Variants in MGAT4C observed in about 807,000 individuals in gnomAD.
The protein encoded by MGAT4C is alpha-1,3-mannosyl-glycoprotein 4-beta-N-acetylglucosaminyltransferase C.
A neutral mutation model predicts 40.1 loss-of-function variants in MGAT4C; 19 were observed. The observed-to-expected ratio is 0.47, with a 90% CI of 0.33 to 0.70. The LOEUF is 0.70. Ranked by LOEUF, MGAT4C falls within the 30% of genes least tolerant of loss-of-function variation. The probability of loss-of-function intolerance (pLI) is 0.02; values close to 1 mark genes in which losing one functional copy is unlikely to be tolerated. For synonymous variants in MGAT4C, 181 were observed against 187.1 expected (o/e 0.97, Z 0.27); for missense variants, 491 against 563.2 (o/e 0.87, Z 1.30).
intron 2 of MGAT4C, among the ~76,000 whole-genome samples, chr12:86,012,698 G>A (rs1388966833): frequency 6.6e-6 from 1 of 151,828 alleles, no homozygotes; most frequent in Non-Finnish European, 1.5e-5. Context: ...ATTTCAGTGA[G>A]CTGAGATCGC....
At chr12:86,681,064 T>G (rs1025481612) in intron 2 of MGAT4C, among the ~76,000 whole-genome samples, 4 of 151,956 alleles carry the variant, frequency 2.6e-5, no homozygotes, top group Non-Finnish European at 4.4e-5. Flanking sequence ...TGAGAAAGGA[T>G]CTATTACTCG....
intron 1 of MGAT4C, among the ~76,000 whole-genome samples, chr12:86,208,357 C>A (rs1212954087): frequency 6.6e-6 from 1 of 152,172 alleles, no homozygotes; most frequent in Non-Finnish European, 1.5e-5. Context: ...ATCCCAGCTA[C>A]TCAGGCGGCT....
chr12:86,469,175 T>A (rs1424766289), intron 2 of MGAT4C, among the ~76,000 whole-genome samples: 6 of 152,142 alleles, frequency 3.9e-5, no homozygotes, highest in Non-Finnish European at 4.4e-5. Flanking sequence ...TGTATATTTT[T>A]AAATATATTA....
intron 1 of MGAT4C, among the ~76,000 whole-genome samples, chr12:86,052,581 A>G (rs1892994147): frequency 6.6e-6 from 1 of 152,030 alleles, no homozygotes; most frequent in African/African-American, 2.4e-5. Context: ...TTCAAGAATC[A>G]AATTGACCAC....
At chr12:86,779,293 C>A (rs2136180098) in intron 1 of MGAT4C, among the ~76,000 whole-genome samples, 1 of 152,060 alleles carries the variant, frequency 6.6e-6, no homozygotes, top group South Asian at 2.1e-4. Context: ...TATTTATTAT[C>A]TGTCAATAGA....
intron 4 of MGAT4C, among the ~76,000 whole-genome samples, chr12:86,283,178 G>T (rs570005763): frequency 6.6e-6 from 1 of 150,882 alleles, no homozygotes; most frequent in East Asian, 1.9e-4. Context: ...CTACCATTCT[G>T]CCTTCCACCA....
At chr12:86,054,354 G>T (rs1265528706) in intron 1 of MGAT4C, among the ~76,000 whole-genome samples, 3 of 151,928 alleles carry the variant, frequency 2.0e-5, no homozygotes, top group Non-Finnish European at 4.4e-5. Flanking sequence ...CTAGTATGTG[G>T]GAGTTATTAT....
intron 2 of MGAT4C, among the ~76,000 whole-genome samples, chr12:86,623,702 A>T (rs773288230): frequency 1.8e-4 from 28 of 152,220 alleles, no homozygotes; most frequent in Non-Finnish European, 3.2e-4. Context: ...CAAAAAGAAC[A>T]TTGGCAAAAT....
intron 2 of MGAT4C, among the ~76,000 whole-genome samples, chr12:86,456,000 C>G (rs1015386087): frequency 6.6e-6 from 1 of 151,954 alleles, no homozygotes; most frequent in Non-Finnish European, 1.5e-5. Context: ...CTATTAAGCA[C>G]TAGGAGAATT....
chr12:86,267,351 A>G (rs181128224), intron 4 of MGAT4C, among the ~76,000 whole-genome samples: 1 of 152,280 alleles, frequency 6.6e-6, no homozygotes, highest in East Asian at 1.9e-4. Flanking sequence ...ACTCAAAGGT[A>G]TCTTAAACTT....
intron 2 of MGAT4C, among the ~76,000 whole-genome samples, chr12:86,510,549 T>C (rs552546616): frequency 1.3e-5 from 2 of 152,150 alleles, no homozygotes; most frequent in East Asian, 1.9e-4. Context: ...GACTGGCAAA[T>C]TGGATGAAGA....
intron 4 of MGAT4C, among the ~76,000 whole-genome samples, chr12:86,322,864 T>G (rs1954429723): frequency 6.6e-6 from 1 of 152,102 alleles, no homozygotes; most frequent in African/African-American, 2.4e-5. Flanking sequence ...AGTTTTAAAT[T>G]TATAGTAATA....
At chr12:86,725,767 GC>G (rs1218904392) in intron 2 of MGAT4C, among the ~76,000 whole-genome samples, 1 of 151,960 alleles carries the variant, frequency 6.6e-6, no homozygotes, top group African/African-American at 2.4e-5. Flanking sequence ...CCGGCCCAGC[GC>G]CCCCTTTTTA....
At chr12:86,647,354 T>C (rs571484479) in intron 2 of MGAT4C, among the ~76,000 whole-genome samples, 17 of 152,094 alleles carry the variant, frequency 1.1e-4, no homozygotes, top group African/African-American at 4.1e-4. Context: ...AAATCTAACC[T>C]AAGCCAAACT....
intron 2 of MGAT4C, among the ~76,000 whole-genome samples, chr12:86,674,097 C>T (rs1964331189): frequency 6.6e-6 from 1 of 151,950 alleles, no homozygotes; most frequent in Non-Finnish European, 1.5e-5. Flanking sequence ...AATTAAACAA[C>T]CACAAAACCA....
intron 1 of MGAT4C, among the ~76,000 whole-genome samples, chr12:86,807,537 T>C (rs972097963): frequency 3.9e-5 from 6 of 152,138 alleles, no homozygotes; most frequent in African/African-American, 1.2e-4. Flanking sequence ...GATGGACATT[T>C]GGATGGATTC....
At chr12:86,265,672 C>T (rs1952767171) in intron 4 of MGAT4C, among the ~76,000 whole-genome samples, 1 of 152,028 alleles carries the variant, frequency 6.6e-6, no homozygotes, top group Non-Finnish European at 1.5e-5. Context: ...TTTAGGTTTG[C>T]TTTATCTAAT....
At chr12:86,119,868 T>G (rs1879087492) in intron 1 of MGAT4C, among the ~76,000 whole-genome samples, 1 of 151,954 alleles carries the variant, frequency 6.6e-6, no homozygotes, top group African/African-American at 2.4e-5. Flanking sequence ...CTGGCTTTTC[T>G]TTTTAATAAT....
At position 85,956,822 on chromosome 12, in the gene MGAT4C, A is replaced by T. The variant is rs1418038105; in HGVS notation, c.*22467T>A. 1 of 152,220 alleles carries T rather than the reference A, an allele frequency of 6.6e-6. No individual in the cohort carries two copies. The highest frequency in any genetic ancestry group is 1.5e-5 in the Non-Finnish European group (1 of 68,030). 9.4% of individuals were successfully genotyped at this position (152,220 alleles called of 1,614,324 possible). A position where few individuals can be genotyped will look rare whatever the true frequency, so the allele number is the denominator to read the frequency against. ...AGATTGAAGGTGACTCTGAATCAACAGAATTTTATTTTTCTTTTACCGTGG... is the reference window on the plus strand; with the variant it reads ...AGATTGAAGGTGACTCTGAATCAACTGAATTTTATTTTTCTTTTACCGTGG... On this transcript the variant is annotated 3_prime_UTR_variant, in exon 5 of 5. Transcript: ENST00000611864.
Sources: allele counts gnomAD v4.1 joint callset (sites outside exome capture counted in the v4.1 genomes callset), GRCh38; gene constraint gnomAD v4.1.1; transcripts MANE v1.5; gene names NCBI Gene and HGNC (gene_info 2026-07-23, HGNC 2026-07-21).